PRSS27: variants seen among roughly 807,000 people sequenced by gnomAD.
PRSS27 encodes the protein serine protease 27.
In PRSS27, 25 loss-of-function variants were observed where a neutral mutation model predicts 32.0. That is an observed-to-expected ratio of 0.78 (90% CI 0.57 to 1.09). PRSS27 has a LOEUF of 1.09. Ranked by LOEUF, PRSS27 falls within the 50% of genes least tolerant of loss-of-function variation. The pLI, the probability that PRSS27 is intolerant of heterozygous loss-of-function variation, is 0.00. For synonymous variants in PRSS27, 178 were observed against 172.2 expected, an observed-to-expected ratio of 1.03 and a Z score of -0.26; for missense variants, 401 against 394.9, an observed-to-expected ratio of 1.02 and a Z score of -0.13.
At position 2,714,932 on chromosome 16, in the gene PRSS27, T is replaced by C. The variant is rs898209569; in HGVS notation, c.237-596A>G. 1 of 153,024 alleles carries C rather than the reference T, an allele frequency of 6.5e-6. No individual in the cohort carries two copies. The highest frequency in any genetic ancestry group is 1.4e-5 in the Non-Finnish European group (1 of 69,432). 9.5% of individuals were successfully genotyped at this position (153,024 alleles called of 1,614,324 possible). A position where few individuals can be genotyped will look rare whatever the true frequency, so the allele number is the denominator to read the frequency against. On this transcript the variant is annotated intron_variant, in intron 3 of 5. Coordinates refer to ENST00000302641, the MANE Select transcript of PRSS27 (RefSeq NM_031948.5). This position sits in a 1 kb window ranked among gnomAD's most constrained non-coding sequence, Gnocchi z 4.7. The stretch of plus-strand genomic sequence containing the variant: ...GTTTGTTTGTTTTTTGTTTTTTAAT[T>C]TTTTTTTATTTTTAGTAGAGACAGG...
Position 2,720,223 on chromosome 16 carries a change from G to C in PRSS27, c.-63C>G, listed in dbSNP as rs1199370790. 7.1e-7 allele frequency: 1 copy of C among 1,400,012 alleles called. No individual in the cohort carries two copies. Among genetic ancestry groups the C allele is most frequent in the Admixed American group, 2.0e-5 (1 of 50,218 alleles). 86.7% of individuals were successfully genotyped at this position (1,400,012 alleles called of 1,614,324 possible). Reference sequence around the variant, plus strand: ...CGGTGGCAGAAGCGTTGGAGCACGAGCGAGGTGCAGGCTCCATGAAGTGGA... The same window carrying C: ...CGGTGGCAGAAGCGTTGGAGCACGACCGAGGTGCAGGCTCCATGAAGTGGA... On this transcript the variant is annotated 5_prime_UTR_variant, in exon 1 of 6. Transcript: ENST00000302641.
chr16:2,714,019 C>A lies in PRSS27; in HGVS notation c.508+46G>T. 6.4e-7 allele frequency: 1 copy of A among 1,556,358 alleles called. No homozygotes were observed. The highest frequency in any genetic ancestry group is 8.7e-7 in the Non-Finnish European group (1 of 1,149,468). ...GAGTGGTCCCCAAGCCGTCCTGGGCCTTCTTGAGGCATATCCCCCATTCTT... is the reference window on the plus strand; with the variant it reads ...GAGTGGTCCCCAAGCCGTCCTGGGCATTCTTGAGGCATATCCCCCATTCTT... On this transcript the variant is annotated intron_variant, in intron 4 of 5. Transcript: ENST00000302641. This position sits in a 1 kb window ranked among gnomAD's most constrained non-coding sequence, Gnocchi z 4.7.
chr16:2,716,172 C>A, intron 2 of PRSS27: 1 of 557,588 alleles, frequency 1.8e-6, no homozygotes, highest in Admixed American at 3.1e-5. Context: ...CAGGGCCTGA[C>A]CCAAACAGGT....
intron 1 of PRSS27, chr16:2,716,793 A>G (rs762938621): frequency 1.9e-6 from 1 of 530,878 alleles, no homozygotes; most frequent in South Asian, 2.7e-5. Context: ...AGGAGATGCC[A>G]GTGAAGGGAT....
At chr16:2,716,461 G>A (rs1048587586) in intron 2 of PRSS27, 39 bp downstream of exon 2, 9 of 1,591,690 alleles carry the variant, frequency 5.7e-6, no homozygotes, top group African/African-American at 1.3e-5. Context: ...CAGTCCAGCC[G>A]GCTCCTGTCC....
At chr16:2,713,391 C>A in intron 5 of PRSS27, 138 bp downstream of exon 5, 1 of 935,096 alleles carries the variant, frequency 1.1e-6, no homozygotes, top group Non-Finnish European at 1.7e-6. Context: ...AGCCACCACA[C>A]CCGGCCCTGG....
At position 2,712,516 on chromosome 16, in the gene PRSS27, G is replaced by A. The variant is rs930523647; in HGVS notation, c.*104C>T. On this transcript the variant is annotated 3_prime_UTR_variant, in exon 6 of 6. Coordinates refer to ENST00000302641, the MANE Select transcript of PRSS27 (RefSeq NM_031948.5). The surrounding 1 kb of genome is among the most constrained non-coding windows in gnomAD (Gnocchi z 4.6). ...AGCGCTATTTACAAATGAGTCTGGTGGGGCTCACAGGTGCAACAGCAGCGC... is the reference window on the plus strand; with the variant it reads ...AGCGCTATTTACAAATGAGTCTGGTAGGGCTCACAGGTGCAACAGCAGCGC... 84 of 918,980 alleles carry A rather than the reference G, an allele frequency of 9.1e-5. No homozygotes were observed. Among genetic ancestry groups the A allele is most frequent in the Non-Finnish European group, 1.1e-4 (70 of 610,744 alleles). The allele number at this position is 918,980 out of a possible 1,614,324, so 56.9% of individuals were successfully genotyped here. A position where few individuals can be genotyped will look rare whatever the true frequency, so the allele number is the denominator to read the frequency against.
intron 5 of PRSS27, 192 bp from the exon 6 acceptor site, chr16:2,713,006 G>T (rs887401363): frequency 1.8e-6 from 1 of 565,954 alleles, no homozygotes. Flanking sequence ...GATCAACTAG[G>T]GTGTGTGTGT....
chr16:2,720,195 C>A lies in PRSS27; in HGVS notation c.-35G>T. The A allele has an allele frequency of 1.3e-6, 2 of 1,563,894 alleles. No individual in the cohort carries two copies. Among genetic ancestry groups the A allele is most frequent in the South Asian group, 2.3e-5 (2 of 85,544 alleles). ...CCTGGCTGGGGCGCAGGGCCGTGGT[C>A]GGCGGTGGCAGAAGCGTTGGAGCAC... On this transcript the variant is annotated 5_prime_UTR_variant, in exon 1 of 6. Transcript: ENST00000302641.
chr16:2,716,562 T>G, intron 1 of PRSS27, 36 bp from the exon 2 acceptor site: 4 of 1,584,592 alleles, frequency 2.5e-6, no homozygotes, highest in Non-Finnish European at 3.4e-6. Context: ...CCAGGCCAGC[T>G]GCAGCCTGGC....
intron 5 of PRSS27, chr16:2,713,039 T>C (rs1468107170): frequency 3.7e-6 from 2 of 542,936 alleles, no homozygotes; most frequent in Non-Finnish European, 6.5e-6. Flanking sequence ...CAGTTTCTTG[T>C]GCCCCACCCC....
At chr16:2,720,053 G>A in intron 1 of PRSS27, 62 bp downstream of exon 1, 5 of 1,449,904 alleles carry the variant, frequency 3.4e-6, no homozygotes, top group Non-Finnish European at 4.7e-6. Context: ...CGGAGCCCCA[G>A]GCAGTGCAGC....
intron 2 of PRSS27, chr16:2,716,265 G>C: frequency 1.7e-6 from 1 of 600,278 alleles, no homozygotes; most frequent in Admixed American, 2.9e-5. Context: ...GTGATCCTCA[G>C]ACCCTGCCGC....
Position 2,712,897 on chromosome 16 carries a change from C to A in PRSS27, c.679-83G>T. 9.1e-7 allele frequency: 1 copy of A among 1,095,276 alleles called. No homozygotes were observed. The allele number at this position is 1,095,276 out of a possible 1,614,324, so 67.8% of individuals were successfully genotyped here. The stretch of plus-strand genomic sequence containing the variant: ...GCAGCCGCACAGGAGGTGTGTAGCT[C>A]CGCAATGGATTCCTTCTCTCCATCC... On this transcript the variant is annotated intron_variant, in intron 5 of 5. Coordinates refer to ENST00000302641, the MANE Select transcript of PRSS27 (RefSeq NM_031948.5). This position sits in a 1 kb window ranked among gnomAD's most constrained non-coding sequence, Gnocchi z 4.6.
At position 2,712,827 on chromosome 16, in the gene PRSS27, C is replaced by G. The variant is rs2067671595; in HGVS notation, c.679-13G>C. The G allele has an allele frequency of 5.9e-6, 9 of 1,527,164 alleles. No homozygotes were observed. The highest frequency in any genetic ancestry group is 7.9e-6 in the Non-Finnish European group (9 of 1,134,686). The allele number at this position is 1,527,164 out of a possible 1,614,324, so 94.6% of individuals were successfully genotyped here. ...CGCCCGAGTCGCCCTGCGGGGGACG[C>G]AGAGTCACCGTCAGAGCCCACCTTG... On this transcript the variant is annotated splice_polypyrimidine_tract_variant and intron_variant, in intron 5 of 5. Coordinates refer to ENST00000302641, the MANE Select transcript of PRSS27 (RefSeq NM_031948.5). This position sits in a 1 kb window ranked among gnomAD's most constrained non-coding sequence, Gnocchi z 4.6.
At chr16:2,716,704 G>C in intron 1 of PRSS27, 178 bp from the exon 2 acceptor site, 1 of 644,138 alleles carries the variant, frequency 1.6e-6, no homozygotes. Flanking sequence ...GGCTGGCTCT[G>C]CCGTATGCTC....
Position 2,720,182 on chromosome 16 carries a change from G to A in PRSS27, c.-22C>T, listed in dbSNP as rs2067727080. 6.3e-6 allele frequency: 10 copies of A among 1,578,844 alleles called. No individual in the cohort carries two copies. Among genetic ancestry groups the A allele is most frequent in the Non-Finnish European group, 6.9e-6 (8 of 1,162,424 alleles). ...TCATGTCCTCAGGCCTGGCTGGGGCGCAGGGCCGTGGTCGGCGGTGGCAGA... is the reference window on the plus strand; with the variant it reads ...TCATGTCCTCAGGCCTGGCTGGGGCACAGGGCCGTGGTCGGCGGTGGCAGA... On this transcript the variant is annotated 5_prime_UTR_variant, in exon 1 of 6. Transcript: ENST00000302641.
At chr16:2,713,975 C>A in intron 4 of PRSS27, 90 bp downstream of exon 4, 2 of 1,365,570 alleles carry the variant, frequency 1.5e-6, no homozygotes, top group Non-Finnish European at 2.0e-6. Context: ...AATATAGCAA[C>A]AGGAAGATTG....
At chr16:2,715,488 G>A in intron 3 of PRSS27, 5 of 501,646 alleles carry the variant, frequency 1.0e-5, no homozygotes, top group South Asian at 2.6e-5. Flanking sequence ...GATGGAGGGG[G>A]TCGGGGGGCG....
Sources: gnomAD v4.1 joint callset for allele counts on GRCh38, gnomAD v4.1.1 for gene constraint, Gnocchi (gnomAD v3.1) non-coding constraint, MANE v1.5 for transcripts, NCBI Gene and HGNC (gene_info 2026-07-23, HGNC 2026-07-21) for gene names.